The following PSMD11 variants were observed in gnomAD, a reference collection of about 807,000 sequenced individuals.
The protein encoded by PSMD11 is 26S proteasome non-ATPase regulatory subunit 11.
A neutral mutation model predicts 62.3 loss-of-function variants in PSMD11; 5 were observed. That is an observed-to-expected ratio of 0.08 (90% CI 0.04 to 0.17). The LOEUF is 0.17. PSMD11 is among the 10% of genes least tolerant of loss of function. PSMD11 has a pLI of 1.00. For missense variants in PSMD11, 310 were observed against 512.9 expected (o/e 0.60, Z 3.82); for synonymous variants, 191 against 191.8 (o/e 1.00, Z 0.03).
chr17:32,446,062 A>C lies in PSMD11; in HGVS notation c.92-883A>C, dbSNP rs182451254. The stretch of plus-strand genomic sequence containing the variant: ...CTTTCATAAAGTAGAAATTACGTCA[A>C]ATATTACAATTAGAGTATTTCCTGT... On this transcript the variant is annotated intron_variant, in intron 1 of 13. Coordinates refer to ENST00000261712, the MANE Select transcript of PSMD11 (RefSeq NM_002815.4). 4 of 152,294 alleles carry C rather than the reference A, an allele frequency of 2.6e-5. No homozygotes were observed. In the South Asian group the frequency reaches 6.2e-4, roughly 24 times the overall value. 9.4% of individuals were successfully genotyped at this position (152,294 alleles called of 1,614,324 possible).
At chr17:32,480,071 C>T in intron 11 of PSMD11, 75 bp from the exon 12 acceptor site, 1 of 1,553,146 alleles carries the variant, frequency 6.4e-7, no homozygotes, top group Non-Finnish European at 8.9e-7. Flanking sequence ...TAAGACCCCT[C>T]CAACAAAGCT....
intron 3 of PSMD11, among the ~76,000 whole-genome samples, chr17:32,462,355 A>G (rs1397562655): frequency 6.6e-6 from 1 of 152,232 alleles, no homozygotes; most frequent in East Asian, 1.9e-4. Flanking sequence ...CATTTATATT[A>G]GAAATCTTAC....
At chr17:32,463,064 CTCATT>C (rs1010299098) in intron 3 of PSMD11, among the ~76,000 whole-genome samples, 2 of 152,208 alleles carry the variant, frequency 1.3e-5, no homozygotes, top group Admixed American at 1.3e-4. Flanking sequence ...AGCTCAGTTT[CTCATT>C]TCATTTCTTT....
Position 32,474,178 on chromosome 17 carries a change from T to C in PSMD11, c.788+233T>C, listed in dbSNP as rs1908253753. The C allele has an allele frequency of 5.4e-6, 3 of 558,042 alleles. No individual in the cohort carries two copies. In the South Asian group the frequency reaches 6.3e-5, roughly 12 times the overall value. The allele number at this position is 558,042 out of a possible 1,614,324, so 34.6% of individuals were successfully genotyped here. ...TAGAAATCCCCTTCCCAGCTCCTCT[T>C]GGAGAATTCTCCTCATCCTTTAAAT... On this transcript the variant is annotated intron_variant, in intron 7 of 13. Coordinates refer to ENST00000261712, the MANE Select transcript of PSMD11 (RefSeq NM_002815.4).
At position 32,480,926 on chromosome 17, in the gene PSMD11, T is replaced by C. The variant is rs1166285549; in HGVS notation, c.*174T>C. 1.4e-5 allele frequency: 4 copies of C among 280,076 alleles called. No individual in the cohort carries two copies. Among genetic ancestry groups the C allele is most frequent in the Non-Finnish European group, 2.6e-5 (4 of 151,960 alleles). The allele number at this position is 280,076 out of a possible 1,614,324, so 17.3% of individuals were successfully genotyped here. A position where few individuals can be genotyped will look rare whatever the true frequency, so the allele number is the denominator to read the frequency against. ...AATAGGTGTGCCAGTTTTCATGTAA[T>C]CTTTACTGGCCCAACTTGGGAGTGG... On this transcript the variant is annotated 3_prime_UTR_variant, in exon 14 of 14. Coordinates refer to ENST00000261712, the MANE Select transcript of PSMD11 (RefSeq NM_002815.4).
rs542268196 is a variant in PSMD11, at chr17:32,457,064, T to C, written c.318+2445T>C. 5.0e-4 allele frequency among the ~76,000 whole-genome samples: 76 copies of C among 152,356 alleles called. 1 individual carries two copies. In the East Asian group the frequency reaches 0.013, roughly 26 times the overall value. Reference sequence around the variant, plus strand: ...GTAGGATTTCCTGGCCTTTGTCATATGGCTCCCTGACTGGTTAGGCGCTCC... The same window carrying C: ...GTAGGATTTCCTGGCCTTTGTCATACGGCTCCCTGACTGGTTAGGCGCTCC... On this transcript the variant is annotated intron_variant, in intron 3 of 13. Coordinates refer to ENST00000261712, the MANE Select transcript of PSMD11 (RefSeq NM_002815.4).
intron 10 of PSMD11, 87 bp downstream of exon 10, chr17:32,479,463 C>A (rs1024543436): frequency 3.9e-6 from 6 of 1,524,004 alleles, no homozygotes; most frequent in Non-Finnish European, 5.3e-6. Flanking sequence ...TGGGAACTCA[C>A]TTCTAGGGGT....
At chr17:32,446,357 G>A (rs1907332056) in intron 1 of PSMD11, among the ~76,000 whole-genome samples, 1 of 152,198 alleles carries the variant, frequency 6.6e-6, no homozygotes, top group Non-Finnish European at 1.5e-5. Context: ...AAAAGCAGCA[G>A]TCTCCCCTAA....
chr17:32,447,191 A>G (rs2150827596), intron 2 of PSMD11, 145 bp downstream of exon 2: 1 of 589,006 alleles, frequency 1.7e-6, no homozygotes, highest in East Asian at 3.4e-5. Context: ...TTAGCAGGCA[A>G]TTAAGTGGCC....
chr17:32,444,516 G>A lies in PSMD11; in HGVS notation c.-8G>A. On this transcript the variant is annotated 5_prime_UTR_variant, in exon 1 of 14. Coordinates refer to ENST00000261712, the MANE Select transcript of PSMD11 (RefSeq NM_002815.4). ...GGCCGCGGCCGGGGACGGTGTGAGA[G>A]CGGTAAGATGGCGGCGGCGGCGGTG... 1 of 1,589,040 alleles carries A rather than the reference G, an allele frequency of 6.3e-7. No individual in the cohort carries two copies. The highest frequency in any genetic ancestry group is 2.3e-5 in the East Asian group (1 of 43,384).
chr17:32,450,416 C>T (rs935467195), intron 2 of PSMD11, among the ~76,000 whole-genome samples: 12 of 139,766 alleles, frequency 8.6e-5, no homozygotes, highest in African/African-American at 2.5e-4. Context: ...CCACCATGCT[C>T]GGCTAATTTT....
rs199698435 is a variant in PSMD11, at chr17:32,474,808, G to A, written c.833G>A (p.Arg278Gln). ...QALVSGKLAL[R>Q]YAGRQTEALK... is the part of the protein sequence containing the mutation. Reference sequence around the variant, plus strand: ...TTGGTGAGCGGGAAGCTTGCACTTCGGTATGCAGGGAGGCAGGTAGGGACT... The same window carrying A: ...TTGGTGAGCGGGAAGCTTGCACTTCAGTATGCAGGGAGGCAGGTAGGGACT... The change falls in exon 8 of 14, where the codon CGG becomes CAG. Residue 278 changes from arginine to glutamine, a missense_variant. Transcript: ENST00000261712. 2.4e-4 allele frequency: 387 copies of A among 1,613,878 alleles called. No homozygotes were observed. The highest frequency in any genetic ancestry group is 3.1e-4 in the Non-Finnish European group (368 of 1,179,964).
At chr17:32,465,803 G>A (rs928284267) in intron 5 of PSMD11, among the ~76,000 whole-genome samples, 21 of 151,054 alleles carry the variant, frequency 1.4e-4, no homozygotes, top group Middle Eastern at 3.4e-3. Flanking sequence ...GTGAAACCCC[G>A]TCTCTACTAA....
At chr17:32,466,567 A>AGTT (rs1907999417) in intron 5 of PSMD11, among the ~76,000 whole-genome samples, 1 of 152,328 alleles carries the variant, frequency 6.6e-6, no homozygotes, top group Non-Finnish European at 1.5e-5. Flanking sequence ...TCCATTCATC[A>AGTT]GTTGATGGAC....
Position 32,459,365 on chromosome 17 carries a change from C to T in PSMD11, c.319-4684C>T, listed in dbSNP as rs546261892. Among the ~76,000 whole-genome samples, 5 of 151,668 alleles carry T rather than the reference C, an allele frequency of 3.3e-5. No homozygotes were observed. In the South Asian group the frequency reaches 1.0e-3, roughly 32 times the overall value. On this transcript the variant is annotated intron_variant, in intron 3 of 13. Coordinates refer to ENST00000261712, the MANE Select transcript of PSMD11 (RefSeq NM_002815.4). ...TCCCAAATAACTGGGAGTACAGGTA[C>T]ACACCACGACGCCTGGCTAATTTTG...
At chr17:32,465,839 G>A (rs187177307) in intron 5 of PSMD11, among the ~76,000 whole-genome samples, 1 of 152,212 alleles carries the variant, frequency 6.6e-6, no homozygotes, top group African/African-American at 2.4e-5. Flanking sequence ...GCAGGACATG[G>A]TGGTGCACAC....
At chr17:32,480,675 T>G in intron 13 of PSMD11, 44 bp downstream of exon 13, 1 of 1,606,282 alleles carries the variant, frequency 6.2e-7, no homozygotes, top group East Asian at 2.2e-5. Context: ...AGCTCTGTCT[T>G]CTGCGTGTCG....
intron 5 of PSMD11, among the ~76,000 whole-genome samples, chr17:32,467,367 T>A (rs1908027244): frequency 6.7e-6 from 1 of 150,148 alleles, no homozygotes; most frequent in Non-Finnish European, 1.5e-5. Flanking sequence ...TGCCTCAGCC[T>A]CCCGAGTAGC....
chr17:32,448,438 G>T (rs1907392787), intron 2 of PSMD11, among the ~76,000 whole-genome samples: 1 of 151,794 alleles, frequency 6.6e-6, no homozygotes, highest in South Asian at 2.1e-4. Flanking sequence ...TGCGATCTCG[G>T]CTCACTGCAA....
Sources: gnomAD v4.1 joint callset for allele counts (sites outside exome capture counted in the v4.1 genomes callset) on GRCh38, gnomAD v4.1.1 for gene constraint, MANE v1.5 for transcripts, NCBI Gene and HGNC (gene_info 2026-07-23, HGNC 2026-07-21) for gene names.